The following CLTA variants were observed in gnomAD, a reference collection of about 807,000 sequenced individuals.
CLTA encodes the protein clathrin light chain A.
In CLTA, 9 loss-of-function variants were observed where a neutral mutation model predicts 26.9. The observed-to-expected ratio is 0.33, with a 90% CI of 0.20 to 0.58. The LOEUF (loss-of-function observed/expected upper bound fraction) is 0.58, where lower values mean the gene tolerates loss of function less well. CLTA is among the 20% of genes least tolerant of loss of function. The pLI, the probability that CLTA is intolerant of heterozygous loss-of-function variation, is 0.85. For missense variants in CLTA, 278 were observed against 294.2 expected (o/e 0.94, Z 0.40); for synonymous variants, 120 against 115.5 (o/e 1.04, Z -0.25).
rs774870543 is a variant in CLTA at position 36,199,025 on chromosome 9, A to G, written c.302A>G (p.Asp101Gly). The G allele has an allele frequency of 1.9e-6, 3 of 1,613,912 alleles. No individual in the cohort carries two copies. In the African/African-American group the frequency reaches 4.0e-5, roughly 22 times the overall value. ...AGTTATGCAGCTATTTCACAAGTGG[A>G]TCGATTGCAGTCAGAGCCTGAAAGT... ...TDSYAAISQV[D>G]RLQSEPESIR... is the part of the protein sequence containing the mutation. The change falls in exon 3 of 5, where the codon GAT (aspartate) becomes GGT (glycine). Residue 101 changes from aspartate to glycine, a missense_variant. By Grantham distance (94) the Asp-to-Gly change is moderately conservative. Transcript: ENST00000345519.
intron 3 of CLTA, 29 bp from the exon 4 acceptor site, chr9:36,204,039 T>C: frequency 6.2e-7 from 1 of 1,613,326 alleles, no homozygotes; most frequent in Non-Finnish European, 8.5e-7. Flanking sequence ...GCCTCAATTG[T>C]ATTGTCTTTC....
intron 2 of CLTA, 75 bp downstream of exon 2, chr9:36,197,663 T>A: frequency 8.5e-7 from 1 of 1,179,114 alleles, no homozygotes; most frequent in Non-Finnish European, 1.2e-6. Flanking sequence ...TTGACTGACC[T>A]AGAAAGAAAC....
intron 3 of CLTA, among the ~76,000 whole-genome samples, chr9:36,200,828 AAGTAGCCACATGTAGCT>A (rs1163493626): frequency 7.2e-5 from 11 of 152,332 alleles, no homozygotes; most frequent in African/African-American, 2.6e-4. Context: ...ATTTACATTG[AAGTAGCCACATGTAGCT>A]AGTAGCTACC....
At chr9:36,199,743 C>T (rs965523524) in intron 3 of CLTA, among the ~76,000 whole-genome samples, 2 of 152,120 alleles carry the variant, frequency 1.3e-5, no homozygotes, top group Admixed American at 6.6e-5. Context: ...CGTGAGCCAC[C>T]GCGCCCGGCC....
chr9:36,191,230 C>T lies in CLTA; in HGVS notation c.174C>T (p.Gly58=). The T allele has an allele frequency of 6.5e-7, 1 of 1,542,366 alleles. No homozygotes were observed. ...AGGCCTTCGCCATCCTGGACGGCGG[C>T]GCCCCCGGGCCCCAGCCGCACGGCG... is the stretch of plus-strand genomic sequence containing the variant. ...NDEAFAILDG[G]APGPQPHGEP... Residue 58 remains glycine (G), a synonymous_variant, in exon 1 of 5, where the codon GGC becomes GGT. Coordinates refer to ENST00000345519, the MANE Select transcript of CLTA (RefSeq NM_001833.4).
At chr9:36,196,106 G>A (rs1215079952) in intron 1 of CLTA, among the ~76,000 whole-genome samples, 6 of 151,732 alleles carry the variant, frequency 4.0e-5, no homozygotes, top group African/African-American at 4.8e-5. Flanking sequence ...TGAAACCCCC[G>A]TCTCTACTAA....
intron 3 of CLTA, among the ~76,000 whole-genome samples, chr9:36,202,187 C>T (rs187152496): frequency 5.6e-4 from 86 of 152,222 alleles, no homozygotes; most frequent in Non-Finnish European, 7.4e-4. Context: ...TTCTTCTGAA[C>T]GACAGATCAC....
At position 36,191,063 on chromosome 9, in the gene CLTA, G is replaced by A; in HGVS notation, c.7G>A (p.Glu3Lys). 6.4e-7 allele frequency: 1 copy of A among 1,562,550 alleles called. No individual in the cohort carries two copies. The highest frequency in any genetic ancestry group is 1.2e-5 in the South Asian group (1 of 86,282). ...TGCCGTTCAGTTGCCCGCCATGGCT[G>A]AGCTGGATCCGTTCGGCGCCCCTGC... MA[E>K]LDPFGAPAGA... Residue 3 changes from glutamate to lysine, a missense_variant, in exon 1 of 5, where the codon GAG (glutamate) becomes AAG (lysine). Physicochemically the swap from Glu to Lys is moderately conservative, Grantham distance 56. Transcript: ENST00000345519.
At position 36,211,902 on chromosome 9, in the gene CLTA, T is replaced by C; in HGVS notation, c.*128T>C. ...CCTTTTTGTCTTTAGAGTTGTTCAT[T>C]GTTTGTGATTGCATGTTTCCTTCCT... On this transcript the variant is annotated 3_prime_UTR_variant, in exon 5 of 5. Coordinates refer to ENST00000345519, the MANE Select transcript of CLTA (RefSeq NM_001833.4). 2 of 770,556 alleles carry C rather than the reference T, an allele frequency of 2.6e-6. No homozygotes were observed. The highest frequency in any genetic ancestry group is 1.7e-5 in the African/African-American group (1 of 57,186). 47.7% of individuals were successfully genotyped at this position (770,556 alleles called of 1,614,324 possible). A position where few individuals can be genotyped will look rare whatever the true frequency, so the allele number is the denominator to read the frequency against.
At chr9:36,207,067 G>A (rs1010589123) in intron 4 of CLTA, among the ~76,000 whole-genome samples, 116 of 152,134 alleles carry the variant, frequency 7.6e-4, no homozygotes, top group African/African-American at 2.6e-3. Flanking sequence ...AATTGTGAGA[G>A]CATCCTCAGG....
rs548702237 is a variant in CLTA at position 36,198,137 on chromosome 9, C to T, written c.255+549C>T. Among the ~76,000 whole-genome samples, 4 of 151,612 alleles carry T rather than the reference C, an allele frequency of 2.6e-5. No individual in the cohort carries two copies. The Admixed American group carries it at 2.6e-4, about 10-fold the overall frequency. On this transcript the variant is annotated intron_variant, in intron 2 of 4. Transcript: ENST00000345519. ...TCAGCCTCCTGAGTAGCTGGAATTA[C>T]AGGCGCATGCCACCACGCCCGGCTA...
chr9:36,210,510 C>T (rs896796907), intron 4 of CLTA: 4 of 1,552,752 alleles, frequency 2.6e-6, no homozygotes, highest in South Asian at 1.2e-5. Flanking sequence ...TCCCCAAGCA[C>T]AGATAGAGTG....
Position 36,205,982 on chromosome 9 carries a change from G to A in CLTA, c.485+1803G>A, listed in dbSNP as rs144474320. On this transcript the variant is annotated intron_variant, in intron 4 of 4. Transcript: ENST00000345519. The stretch of plus-strand genomic sequence containing the variant: ...TCACTGTGTTAGCCAGGATGGTCTC[G>A]ATCTCCTGACCTCGTGATCTGCCTT... 7.2e-4 allele frequency among the ~76,000 whole-genome samples: 109 copies of A among 152,122 alleles called. 1 individual carries two copies. The East Asian group carries it at 0.019, about 26-fold the overall frequency.
chr9:36,204,896 A>G lies in CLTA; in HGVS notation c.485+717A>G, dbSNP rs572717143. 9.7e-4 allele frequency among the ~76,000 whole-genome samples: 148 copies of G among 152,338 alleles called. 1 individual carries two copies. Among genetic ancestry groups the G allele is most frequent in the African/African-American group, 3.3e-3 (137 of 41,582 alleles). ...TGGTGTTGCTTCCCTCAGGGCAGGC[A>G]GGTTCAGAGCCCAACTTTCACTGAA... On this transcript the variant is annotated intron_variant, in intron 4 of 4. Coordinates refer to ENST00000345519, the MANE Select transcript of CLTA (RefSeq NM_001833.4).
intron 3 of CLTA, among the ~76,000 whole-genome samples, chr9:36,200,593 A>G (rs1011491299): frequency 3.9e-5 from 6 of 152,252 alleles, no homozygotes; most frequent in Admixed American, 2.6e-4. Context: ...CAAATCATTT[A>G]TCTCTCTAGT....
Position 36,211,835 on chromosome 9 carries a change from C to A in CLTA, c.*61C>A. ...CTTAATCCTACTCAGTGAAGCTCTTCACAGTCATTGGATTAATTATGTTGA... is the reference window on the plus strand; with the variant it reads ...CTTAATCCTACTCAGTGAAGCTCTTAACAGTCATTGGATTAATTATGTTGA... On this transcript the variant is annotated 3_prime_UTR_variant, in exon 5 of 5. Transcript: ENST00000345519. 1 of 1,357,782 alleles carries A rather than the reference C, an allele frequency of 7.4e-7. No individual in the cohort carries two copies. The highest frequency in any genetic ancestry group is 1.3e-5 in the South Asian group (1 of 77,474). The allele number at this position is 1,357,782 out of a possible 1,614,324, so 84.1% of individuals were successfully genotyped here. A position where few individuals can be genotyped will look rare whatever the true frequency, so the allele number is the denominator to read the frequency against.
rs770506915 is a variant in CLTA at position 36,210,605 on chromosome 9, TTCTTC to T, written c.486-992_486-988del. 12 of 1,614,186 alleles carry T rather than the reference TTCTTC, an allele frequency of 7.4e-6. No individual in the cohort carries two copies. In the East Asian group the frequency reaches 2.5e-4, roughly 33 times the overall value. ...TGACTTAAAGTTTCTCTCGTTTCTT[TTCTTC>T]TCTTCACCTTTAAGCACAAACATAA... On this transcript the variant is annotated intron_variant, in intron 4 of 4. Coordinates refer to ENST00000345519, the MANE Select transcript of CLTA (RefSeq NM_001833.4).
At chr9:36,203,750 A>G (rs1827558648) in intron 3 of CLTA, among the ~76,000 whole-genome samples, 1 of 152,240 alleles carries the variant, frequency 6.6e-6, no homozygotes. Context: ...CAGTATTTCC[A>G]CATACACCCT....
intron 1 of CLTA, 141 bp downstream of exon 1, chr9:36,191,414 C>A: frequency 9.6e-7 from 1 of 1,045,796 alleles, no homozygotes; most frequent in Non-Finnish European, 1.3e-6. Context: ...GAGACCCTGG[C>A]CCGGTCTTTC....
Sources: gnomAD v4.1 joint callset for allele counts (sites outside exome capture counted in the v4.1 genomes callset) on GRCh38, gnomAD v4.1.1 for gene constraint, MANE v1.5 for transcripts, NCBI Gene and HGNC (gene_info 2026-07-23, HGNC 2026-07-21) for gene names.